The following PPFIA2 variants were observed in gnomAD, a reference collection of about 807,000 sequenced individuals.
PPFIA2 encodes liprin-alpha-2.
A neutral mutation model predicts 175.5 loss-of-function variants in PPFIA2; 46 were observed. The observed-to-expected ratio is 0.26, with a 90% CI of 0.21 to 0.34. The LOEUF is 0.34. Among genes scored for constraint, PPFIA2 ranks in the 10% least tolerant of loss-of-function variants. The pLI, the probability that PPFIA2 is intolerant of heterozygous loss-of-function variation, is 1.00. For synonymous variants in PPFIA2, 568 were observed against 511.4 expected, an observed-to-expected ratio of 1.11 and a Z score of -1.49; for missense variants, 1,179 against 1,506.1, an observed-to-expected ratio of 0.78 and a Z score of 3.60.
In PPFIA2 at chr12:81,743,378, C is replaced by T. The variant is rs556317520; in HGVS notation, c.249+10595G>A. ...GTTGCAGTGAGCCGAGATTGTGCCACTGCACTCCGGGCCACAGAGTGAGAC... is the reference window on the plus strand; with the variant it reads ...GTTGCAGTGAGCCGAGATTGTGCCATTGCACTCCGGGCCACAGAGTGAGAC... On this transcript the variant is annotated intron_variant, in intron 3 of 32. Transcript: ENST00000549396. 1.9e-3 allele frequency among the ~76,000 whole-genome samples: 221 copies of T among 118,504 alleles called. 1 individual carries two copies. In the Middle Eastern group the frequency reaches 0.026, roughly 14 times the overall value. The allele number at this position is 118,504 out of a possible 152,430, so 77.7% of individuals were successfully genotyped here. A position where few individuals can be genotyped will look rare whatever the true frequency, so the allele number is the denominator to read the frequency against.
At chr12:81,284,099 C>T in intron 25 of PPFIA2, 142 bp downstream of exon 25, 2 of 653,096 alleles carry the variant, frequency 3.1e-6, no homozygotes, top group Admixed American at 2.7e-5. Context: ...TAAAAGAAAA[C>T]TGTAAAAAAT....
At chr12:81,346,356 T>G (rs905943070) in intron 18 of PPFIA2, among the ~76,000 whole-genome samples, 2 of 151,858 alleles carry the variant, frequency 1.3e-5, no homozygotes, top group Non-Finnish European at 2.9e-5. Context: ...ACCTCCACTC[T>G]CTGTTGAGAT....
chr12:81,415,896 T>A (rs2045164235), intron 7 of PPFIA2, among the ~76,000 whole-genome samples: 1 of 151,548 alleles, frequency 6.6e-6, no homozygotes. Context: ...CTCTTCTTTT[T>A]GTCTAATCAG....
chr12:81,626,567 G>A (rs1164702917), intron 4 of PPFIA2, among the ~76,000 whole-genome samples: 2 of 152,022 alleles, frequency 1.3e-5, no homozygotes, highest in Non-Finnish European at 2.9e-5. Context: ...TGTCTGGTAG[G>A]ATGGGCAAAG....
chr12:81,340,575 T>C (rs562901107), intron 20 of PPFIA2, among the ~76,000 whole-genome samples: 1 of 152,226 alleles, frequency 6.6e-6, no homozygotes, highest in African/African-American at 2.4e-5. Flanking sequence ...TTATTTAATA[T>C]TTTAGCCAAG....
At chr12:81,472,473 T>C (rs1323505815) in intron 4 of PPFIA2, 1 of 152,188 alleles carries the variant, frequency 6.6e-6, no homozygotes, top group Non-Finnish European at 1.5e-5. Flanking sequence ...ATGGAAGGAA[T>C]TTAGGCAGGT....
At chr12:81,293,026 A>G (rs1057490246) in intron 24 of PPFIA2, 6 of 152,040 alleles carry the variant, frequency 3.9e-5, no homozygotes, top group African/African-American at 1.4e-4. Context: ...GAAATGAAAC[A>G]AACTATTCAC....
chr12:81,328,737 G>A (rs1450188921), intron 21 of PPFIA2, among the ~76,000 whole-genome samples: 1 of 151,870 alleles, frequency 6.6e-6, no homozygotes, highest in Non-Finnish European at 1.5e-5. Flanking sequence ...GGCACATATT[G>A]GACAGGGGAC....
chr12:81,619,821 A>C (rs1030856933), intron 4 of PPFIA2, among the ~76,000 whole-genome samples: 1 of 152,164 alleles, frequency 6.6e-6, no homozygotes. Flanking sequence ...CTAAATATTC[A>C]CAATATTTCC....
intron 22 of PPFIA2, among the ~76,000 whole-genome samples, chr12:81,314,020 T>C (rs1436333808): frequency 1.3e-5 from 2 of 151,958 alleles, no homozygotes; most frequent in Admixed American, 6.6e-5. Context: ...TTGTTATCAA[T>C]TCGTATAAAT....
intron 19 of PPFIA2, among the ~76,000 whole-genome samples, chr12:81,342,247 A>T (rs1351450726): frequency 6.6e-6 from 1 of 152,138 alleles, no homozygotes; most frequent in Non-Finnish European, 1.5e-5. Flanking sequence ...CATAGTTTTT[A>T]CAACAATGCT....
At position 81,259,263 on chromosome 12, in the gene PPFIA2, A is replaced by C. The variant is rs145892723; in HGVS notation, c.*431T>G. The C allele has an allele frequency of 1.1e-3, 326 of 288,864 alleles. No homozygotes were observed. Among genetic ancestry groups the C allele is most frequent in the African/African-American group, 7.0e-3 (310 of 44,220 alleles). The allele number at this position is 288,864 out of a possible 1,614,324, so 17.9% of individuals were successfully genotyped here. On this transcript the variant is annotated 3_prime_UTR_variant, in exon 33 of 33. Transcript: ENST00000549396. Reference sequence around the variant, plus strand: ...TGGAATTGTCAAATGTTTGCACTCGAGACTCCATGAACCATATATTTTATT... The same window carrying C: ...TGGAATTGTCAAATGTTTGCACTCGCGACTCCATGAACCATATATTTTATT...
chr12:81,492,577 C>A (rs999215631), intron 4 of PPFIA2, among the ~76,000 whole-genome samples: 5 of 151,914 alleles, frequency 3.3e-5, no homozygotes, highest in African/African-American at 1.2e-4. Flanking sequence ...CTAAAGACAG[C>A]AAGGGAGTAA....
At chr12:81,369,241 AC>A in intron 11 of PPFIA2, 47 bp from the exon 12 acceptor site, 1 of 1,585,338 alleles carries the variant, frequency 6.3e-7, no homozygotes, top group Non-Finnish European at 8.6e-7. Flanking sequence ...GATTTGGTTA[AC>A]ACTTTTCCTC....
chr12:81,450,991 TG>T (rs1311248411), intron 5 of PPFIA2, among the ~76,000 whole-genome samples: 3 of 152,152 alleles, frequency 2.0e-5, no homozygotes, highest in Non-Finnish European at 2.9e-5. Context: ...GGAATAGCTA[TG>T]GATCCATGTA....
At chr12:81,730,707 A>T (rs908921735) in intron 3 of PPFIA2, among the ~76,000 whole-genome samples, 2 of 151,648 alleles carry the variant, frequency 1.3e-5, no homozygotes, top group Admixed American at 1.3e-4. Flanking sequence ...TGGAAAAGCA[A>T]CTAACCTTGA....
rs141330953 is a variant in PPFIA2, at chr12:81,464,255, T to G, written c.304-6389A>C. The stretch of plus-strand genomic sequence containing the variant: ...TAACTATCATTTCTTAAGTACTAAG[T>G]ATATGCTGGGTACATTGTTATGAAC... On this transcript the variant is annotated intron_variant, in intron 4 of 32. Coordinates refer to ENST00000549396, the MANE Select transcript of PPFIA2 (RefSeq NM_003625.5). 6.6e-5 allele frequency among the ~76,000 whole-genome samples: 10 copies of G among 152,246 alleles called. No individual in the cohort carries two copies. In the East Asian group the frequency reaches 9.7e-4, roughly 15 times the overall value.
intron 4 of PPFIA2, among the ~76,000 whole-genome samples, chr12:81,580,812 T>C (rs1203584475): frequency 6.6e-6 from 1 of 151,670 alleles, no homozygotes; most frequent in Non-Finnish European, 1.5e-5. Flanking sequence ...ATTACATATA[T>C]CCTTTATATA....
chr12:81,653,230 C>T (rs1343873497), intron 4 of PPFIA2, among the ~76,000 whole-genome samples: 2 of 152,062 alleles, frequency 1.3e-5, no homozygotes, highest in African/African-American at 4.8e-5. Context: ...CATCATTTTC[C>T]ATAGTACTTG....
Sources: allele counts gnomAD v4.1 joint callset (sites outside exome capture counted in the v4.1 genomes callset), GRCh38; gene constraint gnomAD v4.1.1; transcripts MANE v1.5; gene names NCBI Gene and HGNC (gene_info 2026-07-23, HGNC 2026-07-21).